NCOA7: variants seen among roughly 807,000 people sequenced by gnomAD.
NCOA7 encodes 140 kDa estrogen receptor-associated protein.
A neutral mutation model predicts 104.3 loss-of-function variants in NCOA7; 45 were observed. The ratio of observed to expected loss-of-function variants is 0.43; its 90% CI spans 0.34 to 0.55. The LOEUF (loss-of-function observed/expected upper bound fraction) is 0.55. Ranked by LOEUF, NCOA7 falls within the 20% of genes least tolerant of loss-of-function variation. The pLI, the probability that NCOA7 is intolerant of heterozygous loss-of-function variation, is 0.02. For synonymous variants in NCOA7, 398 were observed against 402.3 expected (o/e 0.99, Z 0.13); for missense variants, 1,041 against 1,119.7 (o/e 0.93, Z 1.00).
intron 1 of NCOA7, among the ~76,000 whole-genome samples, chr6:125,809,016 T>C (rs1277242327): frequency 6.6e-6 from 1 of 152,232 alleles, no homozygotes; most frequent in Non-Finnish European, 1.5e-5. Flanking sequence ...TGTCAAACCC[T>C]TTCCCGAATA....
intron 2 of NCOA7, among the ~76,000 whole-genome samples, chr6:125,817,910 T>C (rs1777740501): frequency 6.6e-6 from 1 of 152,168 alleles, no homozygotes; most frequent in African/African-American, 2.4e-5. Flanking sequence ...TGATCCATTT[T>C]GAATTTATTT....
At chr6:125,895,755 G>A (rs1482589450) in intron 10 of NCOA7, among the ~76,000 whole-genome samples, 1 of 151,950 alleles carries the variant, frequency 6.6e-6, no homozygotes, top group Non-Finnish European at 1.5e-5. Context: ...GAGAGAGTGG[G>A]CGGAGTTGCT....
In NCOA7 at chr6:125,855,170, G is replaced by GA. The variant is rs749319230; in HGVS notation, c.209dup (p.Arg71GlufsTer4). On this transcript the variant is annotated frameshift_variant, in exon 3 of 16. Coordinates refer to ENST00000392477, the MANE Select transcript of NCOA7 (RefSeq NM_181782.5). LOFTEE classifies it high-confidence loss of function. The stretch of plus-strand genomic sequence containing the variant: ...TGGAAGAGGAATATATGACTGATGA[G>GA]AAAAAAAAGAGAAAAAGTAATCAGT... 3 of 1,611,898 alleles carry GA rather than the reference G, an allele frequency of 1.9e-6. No individual in the cohort carries two copies. Among genetic ancestry groups the GA allele is most frequent in the Non-Finnish European group, 1.7e-6 (2 of 1,179,372 alleles).
chr6:125,853,018 A>G (rs1360856255), intron 2 of NCOA7, among the ~76,000 whole-genome samples: 7 of 152,208 alleles, frequency 4.6e-5, no homozygotes, highest in African/African-American at 1.7e-4. Context: ...TGCTTTGGGC[A>G]GTATGGTCAT....
At chr6:125,871,927 G>T (rs1782954784) in intron 3 of NCOA7, among the ~76,000 whole-genome samples, 1 of 150,856 alleles carries the variant, frequency 6.6e-6, no homozygotes. Context: ...AGTCTGGGAA[G>T]TGGAGGTTGC....
intron 2 of NCOA7, among the ~76,000 whole-genome samples, chr6:125,845,703 G>A (rs1780544075): frequency 6.6e-6 from 1 of 152,164 alleles, no homozygotes; most frequent in African/African-American, 2.4e-5. Context: ...GGAGTCGGAG[G>A]TTGCAGTGAG....
At chr6:125,799,000 G>C (rs532842350) in intron 1 of NCOA7, among the ~76,000 whole-genome samples, 25 of 152,154 alleles carry the variant, frequency 1.6e-4, no homozygotes, top group African/African-American at 6.0e-4. Flanking sequence ...GTATAGATCA[G>C]CCCCAAGCCT....
chr6:125,797,407 T>G (rs578212448), intron 1 of NCOA7, among the ~76,000 whole-genome samples: 25 of 152,342 alleles, frequency 1.6e-4, no homozygotes, highest in African/African-American at 5.8e-4. Context: ...AATAAGAGTT[T>G]AATAGTGTTT....
chr6:125,840,993 A>G (rs1251016340), intron 2 of NCOA7, among the ~76,000 whole-genome samples: 1 of 144,648 alleles, frequency 6.9e-6, no homozygotes, highest in African/African-American at 2.6e-5. Context: ...CCCAGGTTCA[A>G]ATGATTCTCC....
At position 125,805,087 on chromosome 6, in the gene NCOA7, C is replaced by CTTTTTTTTTT. The variant is rs59737297; in HGVS notation, c.-64-10185_-64-10176dup. On this transcript the variant is annotated intron_variant, in intron 1 of 15. Coordinates refer to ENST00000392477, the MANE Select transcript of NCOA7 (RefSeq NM_181782.5). ...ATAAAGCTGGGTTCACCCTCTTGTT[C>CTTTTTTTTTT]TTTTTTTTTTTTTTTTTTTTTTTTT... Among the ~76,000 whole-genome samples the CTTTTTTTTTT allele has an allele frequency of 6.4e-4, 37 of 58,036 alleles. 1 individual carries two copies. The highest frequency in any genetic ancestry group is 9.2e-4 in the African/African-American group (15 of 16,248). 38.1% of individuals were successfully genotyped at this position (58,036 alleles called of 152,430 possible). A position where few individuals can be genotyped will look rare whatever the true frequency, so the allele number is the denominator to read the frequency against.
At chr6:125,870,118 C>T (rs1223845988) in intron 3 of NCOA7, among the ~76,000 whole-genome samples, 3 of 152,154 alleles carry the variant, frequency 2.0e-5, no homozygotes. Flanking sequence ...TGGCCTGTTA[C>T]CCCGGTGTTG....
At position 125,928,628 on chromosome 6, in the gene NCOA7, C is replaced by CT; in HGVS notation, c.2694-4dup. The CT allele has an allele frequency of 6.5e-7, 1 of 1,533,922 alleles. No homozygotes were observed. The highest frequency in any genetic ancestry group is 1.3e-5 in the South Asian group (1 of 78,004). ...TTTTACCTTTTTTTTTTTTTTTAACCTTTTCAGGGGACGATTTGGTTTATG... is the reference window on the plus strand; with the variant it reads ...TTTTACCTTTTTTTTTTTTTTTAACCTTTTTCAGGGGACGATTTGGTTTATG... On this transcript the variant is annotated splice_polypyrimidine_tract_variant and splice_region_variant and intron_variant, in intron 15 of 15. Transcript: ENST00000392477.
chr6:125,917,164 C>T (rs715880), intron 11 of NCOA7, among the ~76,000 whole-genome samples: 80,077 of 150,948 alleles, frequency 0.53, 21,514 homozygotes, highest in Admixed American at 0.64. Flanking sequence ...TTACTAGAGA[C>T]ATTAATTCAG....
intron 2 of NCOA7, among the ~76,000 whole-genome samples, chr6:125,822,301 AC>A (rs1778264094): frequency 6.6e-6 from 1 of 152,168 alleles, no homozygotes; most frequent in African/African-American, 2.4e-5. Flanking sequence ...TTAGCTTTAT[AC>A]TTTTTTAATA....
chr6:125,811,258 T>G (rs1223825085), intron 1 of NCOA7, among the ~76,000 whole-genome samples: 1 of 152,246 alleles, frequency 6.6e-6, no homozygotes, highest in Non-Finnish European at 1.5e-5. Context: ...GTCTGCCATA[T>G]AATTGACGTT....
intron 3 of NCOA7, among the ~76,000 whole-genome samples, chr6:125,863,659 A>G (rs1033924627): frequency 1.4e-5 from 2 of 138,196 alleles, no homozygotes; most frequent in African/African-American, 6.0e-5. Flanking sequence ...ACAAAATACC[A>G]TATAACTGAG....
intron 2 of NCOA7, among the ~76,000 whole-genome samples, chr6:125,843,513 G>C (rs1477175380): frequency 1.3e-5 from 2 of 152,180 alleles, no homozygotes; most frequent in Non-Finnish European, 2.9e-5. Flanking sequence ...TAATATCAAT[G>C]TAAAGCAAAA....
At chr6:125,818,208 G>C (rs1295120570) in intron 2 of NCOA7, among the ~76,000 whole-genome samples, 1 of 152,040 alleles carries the variant, frequency 6.6e-6, no homozygotes, top group Non-Finnish European at 1.5e-5. Flanking sequence ...AGTGATTCCT[G>C]TAGTAAAGGT....
chr6:125,839,557 A>C (rs1779942265), intron 2 of NCOA7, among the ~76,000 whole-genome samples: 1 of 151,722 alleles, frequency 6.6e-6, no homozygotes, highest in Admixed American at 6.6e-5. Context: ...CTCTCGAGGC[A>C]CCTCCCTCCC....
Sources: allele counts gnomAD v4.1 joint callset (sites outside exome capture counted in the v4.1 genomes callset), GRCh38; gene constraint gnomAD v4.1.1; transcripts MANE v1.5; gene names NCBI Gene and HGNC (gene_info 2026-07-23, HGNC 2026-07-21).